The following UBA6 variants were observed in gnomAD, a reference collection of about 807,000 sequenced individuals.
UBA6 encodes ubiquitin like modifier activating enzyme 6.
Under a neutral mutation model 148.3 loss-of-function variants are expected in UBA6, and 87 were observed. That is an observed-to-expected ratio of 0.59 (90% CI 0.49 to 0.70). The LOEUF (loss-of-function observed/expected upper bound fraction) is 0.70. Ranked by LOEUF, UBA6 falls within the 30% of genes least tolerant of loss-of-function variation. The probability of loss-of-function intolerance (pLI) is 0.00; values close to 1 mark genes in which losing one functional copy is unlikely to be tolerated. For synonymous variants in UBA6, 376 were observed against 401.0 expected (o/e 0.94, Z 0.75); for missense variants, 1,186 against 1,241.2 (o/e 0.96, Z 0.67).
At chr4:67,676,313 C>T (rs1001361650) in intron 6 of UBA6, among the ~76,000 whole-genome samples, 16 of 152,092 alleles carry the variant, frequency 1.1e-4, no homozygotes, top group African/African-American at 2.7e-4. Context: ...CGTGAGCCAC[C>T]GCGCCCAGCC....
chr4:67,635,951 T>A (rs528241611), intron 19 of UBA6, among the ~76,000 whole-genome samples: 1 of 152,320 alleles, frequency 6.6e-6, no homozygotes, highest in African/African-American at 2.4e-5. Context: ...ACCTATATTC[T>A]ACAAATTTTT....
At chr4:67,696,496 T>C (rs566237635) in intron 2 of UBA6, 149 bp downstream of exon 2, 38 of 552,048 alleles carry the variant, frequency 6.9e-5, no homozygotes, top group Non-Finnish European at 1.1e-4. Context: ...CACACATATA[T>C]ATACACACAT....
In UBA6 at chr4:67,634,450, G is replaced by A. The variant is rs761878934; in HGVS notation, c.1911C>T (p.Thr637=). 1.3e-6 allele frequency: 2 copies of A among 1,588,574 alleles called. No individual in the cohort carries two copies. Among genetic ancestry groups the A allele is most frequent in the Non-Finnish European group, 1.7e-6 (2 of 1,173,228 alleles). The change falls in exon 21 of 33, where the codon ACC becomes ACT. Residue 637 remains threonine, a synonymous_variant. Transcript: ENST00000322244. The part of the protein sequence containing the change: ...LKSFPAAIEH[T]IQWARDKFES... The stretch of plus-strand genomic sequence containing the variant: ...TTACCTTATCTCTTGCCCACTGTAT[G>A]GTATGTTCAATAGCAGCTGGAAAGG...
At chr4:67,654,012 A>C (rs991367955) in intron 13 of UBA6, among the ~76,000 whole-genome samples, 1 of 152,224 alleles carries the variant, frequency 6.6e-6, no homozygotes, top group Non-Finnish European at 1.5e-5. Context: ...AAATGAACAA[A>C]GCCTCCAAGA....
At chr4:67,669,612 T>C (rs11944618) in intron 8 of UBA6, among the ~76,000 whole-genome samples, 1,744 of 152,174 alleles carry the variant, frequency 0.011, 40 homozygotes, top group African/African-American at 0.04. Context: ...CCAGTTCTTT[T>C]ATGCAAAAAA....
At chr4:67,633,601 A>G in intron 22 of UBA6, 128 bp from the exon 23 acceptor site, 1 of 720,752 alleles carries the variant, frequency 1.4e-6, no homozygotes, top group Non-Finnish European at 2.0e-6. Context: ...TTTCACCTCA[A>G]GCTCCTTTTC....
chr4:67,678,592 C>T (rs2109947585), intron 4 of UBA6, 59 bp from the exon 5 acceptor site: 1 of 860,364 alleles, frequency 1.2e-6, no homozygotes, highest in East Asian at 2.6e-5. Flanking sequence ...GCACTCTCTC[C>T]AGTATTACTG....
At chr4:67,628,117 G>C (rs917703922) in intron 27 of UBA6, among the ~76,000 whole-genome samples, 1 of 151,444 alleles carries the variant, frequency 6.6e-6, no homozygotes, top group East Asian at 1.9e-4. Context: ...ACATTAAGTG[G>C]ATCTTCAGTA....
intron 4 of UBA6, 117 bp downstream of exon 4, chr4:67,681,446 T>TA (rs1357337125): frequency 4.9e-5 from 31 of 634,456 alleles, no homozygotes; most frequent in African/African-American, 1.0e-4. Context: ...ATGATTTTTT[T>TA]TAAAAAGTAG....
At chr4:67,654,357 G>A (rs10003945) in intron 13 of UBA6, among the ~76,000 whole-genome samples, 1,741 of 152,256 alleles carry the variant, frequency 0.011, 39 homozygotes, top group African/African-American at 0.04. Context: ...AACCCTCCAT[G>A]CCAGAAGAGA....
intron 28 of UBA6, 68 bp downstream of exon 28, chr4:67,626,292 A>G: frequency 1.2e-6 from 1 of 855,352 alleles, no homozygotes; most frequent in South Asian, 1.4e-5. Flanking sequence ...ACAAATTCTT[A>G]GGTGTAGAGC....
At chr4:67,675,124 C>T (rs185868097) in intron 6 of UBA6, among the ~76,000 whole-genome samples, 21 of 152,346 alleles carry the variant, frequency 1.4e-4, no homozygotes, top group Admixed American at 1.1e-3. Flanking sequence ...CCTGCCTTGA[C>T]TTCCAAAGTG....
rs1446174656 is a variant in UBA6, at chr4:67,631,882, A to G, written c.2169T>C (p.Pro723=). The G allele has an allele frequency of 3.7e-6, 6 of 1,612,226 alleles. No individual in the cohort carries two copies. The highest frequency in any genetic ancestry group is 3.3e-5 in the Admixed American group (2 of 59,836). Residue 723 remains proline (P), a synonymous_variant, in exon 24 of 33, where the codon CCT becomes CCC. Transcript: ENST00000322244. ...HKALQLLHCF[P]LDIRLKDGSL... Reference sequence around the variant, plus strand: ...TGCCATCTTTTAATCGTATGTCCAGAGGGAAACAGTGAAGAAGCTGAAGAG... The same window carrying G: ...TGCCATCTTTTAATCGTATGTCCAGGGGGAAACAGTGAAGAAGCTGAAGAG...
chr4:67,673,924 A>AT, intron 6 of UBA6, 147 bp from the exon 7 acceptor site: 1 of 474,662 alleles, frequency 2.1e-6, no homozygotes, highest in Non-Finnish European at 3.8e-6. Context: ...ATTCCATTCC[A>AT]AGGTTAATAC....
intron 9 of UBA6, among the ~76,000 whole-genome samples, chr4:67,667,244 C>A (rs1730025362): frequency 6.6e-6 from 1 of 151,804 alleles, no homozygotes; most frequent in South Asian, 2.1e-4. Context: ...AACCTGTATT[C>A]AAAATAATTA....
chr4:67,644,036 A>T (rs182914432), intron 17 of UBA6, among the ~76,000 whole-genome samples: 74 of 152,250 alleles, frequency 4.9e-4, no homozygotes, highest in African/African-American at 1.7e-3. Context: ...GCTAAGTTTA[A>T]TAAACTTTTA....
intron 2 of UBA6, among the ~76,000 whole-genome samples, chr4:67,682,869 T>G (rs757098260): frequency 6.6e-6 from 1 of 152,198 alleles, no homozygotes; most frequent in Non-Finnish European, 1.5e-5. Flanking sequence ...TTTTAAAGAT[T>G]AGTTCGATAT....
intron 29 of UBA6, 49 bp from the exon 30 acceptor site, chr4:67,624,302 G>A (rs770211182): frequency 4.8e-5 from 73 of 1,510,986 alleles, no homozygotes; most frequent in Non-Finnish European, 5.9e-5. Context: ...AAAACTATCC[G>A]TGATTTTAAT....
intron 13 of UBA6, among the ~76,000 whole-genome samples, chr4:67,654,524 G>C (rs563369221): frequency 6.6e-6 from 1 of 152,198 alleles, no homozygotes; most frequent in East Asian, 1.9e-4. Flanking sequence ...CCTTACAAGA[G>C]CTCTTGAAGG....
Sources: gnomAD v4.1 joint callset for allele counts (sites outside exome capture counted in the v4.1 genomes callset) on GRCh38, gnomAD v4.1.1 for gene constraint, MANE v1.5 for transcripts, NCBI Gene and HGNC (gene_info 2026-07-23, HGNC 2026-07-21) for gene names.